Variants in PRKN observed in about 807,000 individuals in gnomAD.
PRKN encodes the protein parkin RBR E3 ubiquitin protein ligase, also known as E3 ubiquitin-protein ligase parkin.
In PRKN, 56 loss-of-function variants were observed where a neutral mutation model predicts 59.5. The observed-to-expected ratio is 0.94, with a 90% CI of 0.76 to 1.18. The LOEUF (loss-of-function observed/expected upper bound fraction) is 1.18. Among genes scored for constraint, PRKN ranks in the 50% most tolerant of loss-of-function variants. The probability of loss-of-function intolerance (pLI) is 0.00; values close to 1 mark genes in which losing one functional copy is unlikely to be tolerated. For missense variants in PRKN, 657 were observed against 596.4 expected, an observed-to-expected ratio of 1.10 and a Z score of -1.06; for synonymous variants, 250 against 222.1, an observed-to-expected ratio of 1.13 and a Z score of -1.12.
chr6:161,544,423 A>G lies in PRKN; in HGVS notation c.1083+4431T>C, dbSNP rs1373765113. ...GTAAGCAGTTCTAATACTGGGATAAATGATGATTAATATTGGAAAATAAAA... is the reference window on the plus strand; with the variant it reads ...GTAAGCAGTTCTAATACTGGGATAAGTGATGATTAATATTGGAAAATAAAA... On this transcript the variant is annotated intron_variant, in intron 9 of 11. Transcript: ENST00000366898. This position sits in a 1 kb window ranked among gnomAD's most constrained non-coding sequence, Gnocchi z 5.5. Among the ~76,000 whole-genome samples, 1 of 152,212 alleles carries G rather than the reference A, an allele frequency of 6.6e-6. No individual in the cohort carries two copies. The highest frequency in any genetic ancestry group is 1.5e-5 in the Non-Finnish European group (1 of 68,040).
intron 1 of PRKN, among the ~76,000 whole-genome samples, chr6:162,687,962 G>C (rs911790030): frequency 6.6e-6 from 1 of 152,184 alleles, no homozygotes; most frequent in Non-Finnish European, 1.5e-5. Flanking sequence ...GGATCCTGTT[G>C]CTGGATGTGG....
chr6:162,458,048 G>A (rs1188265327), intron 1 of PRKN, among the ~76,000 whole-genome samples: 1 of 151,682 alleles, frequency 6.6e-6, no homozygotes, highest in African/African-American at 2.4e-5. Context: ...GAGGTCAGGA[G>A]TTTGAGACCA....
chr6:162,638,074 AAAAG>A (rs1777802704), intron 1 of PRKN, among the ~76,000 whole-genome samples: 1 of 151,688 alleles, frequency 6.6e-6, no homozygotes, highest in Admixed American at 6.5e-5. Flanking sequence ...TTAAAAAAAT[AAAAG>A]AAATGCTGAA....
intron 2 of PRKN, among the ~76,000 whole-genome samples, chr6:162,273,071 A>G (rs1023211615): frequency 1.3e-5 from 2 of 151,950 alleles, no homozygotes; most frequent in African/African-American, 4.8e-5. Flanking sequence ...GAAGACAAGT[A>G]CAATCTGTGA....
At position 161,357,730 on chromosome 6, in the gene PRKN, CAT is replaced by C. The variant is rs1177031043; in HGVS notation, c.1285+2356_1285+2357del. ...ACACACACATTTGTTTCAAAACAGACATATGTGCCACTTGCTTTGAAATTCTG... is the reference window on the plus strand; with the variant it reads ...ACACACACATTTGTTTCAAAACAGACATGTGCCACTTGCTTTGAAATTCTG... On this transcript the variant is annotated intron_variant, in intron 11 of 11. Transcript: ENST00000366898. The surrounding 1 kb of genome is among the most constrained non-coding windows in gnomAD (Gnocchi z 5.5). Among the ~76,000 whole-genome samples, 5 of 152,206 alleles carry C rather than the reference CAT, an allele frequency of 3.3e-5. No individual in the cohort carries two copies. The highest frequency in any genetic ancestry group is 1.2e-4 in the African/African-American group (5 of 41,452).
At chr6:161,964,424 T>C (rs1303299631) in intron 6 of PRKN, among the ~76,000 whole-genome samples, 1 of 151,966 alleles carries the variant, frequency 6.6e-6, no homozygotes, top group East Asian at 1.9e-4. Flanking sequence ...TGAGGGTGTG[T>C]CACACTTTTC....
At chr6:162,396,317 T>A (rs987731502) in intron 2 of PRKN, among the ~76,000 whole-genome samples, 1 of 152,134 alleles carries the variant, frequency 6.6e-6, no homozygotes, top group Non-Finnish European at 1.5e-5. Flanking sequence ...TGAACAGGAG[T>A]GCAGTCAGCA....
chr6:162,700,900 A>C (rs1778129355), intron 1 of PRKN, among the ~76,000 whole-genome samples: 1 of 152,066 alleles, frequency 6.6e-6, no homozygotes, highest in Non-Finnish European at 1.5e-5. Context: ...CAATCATTTC[A>C]ATCTGCATTA....
chr6:161,570,250 AT>A (rs971693457), intron 7 of PRKN, among the ~76,000 whole-genome samples: 21 of 145,402 alleles, frequency 1.4e-4, no homozygotes, highest in Admixed American at 3.5e-4. Flanking sequence ...AGTTATATAT[AT>A]TTTTATATAA....
chr6:161,526,424 G>A lies in PRKN; in HGVS notation c.1083+22430C>T, dbSNP rs146152424. Among the ~76,000 whole-genome samples, 450 of 152,238 alleles carry A rather than the reference G, an allele frequency of 3.0e-3. 10 individuals carry two copies. The highest frequency in any genetic ancestry group is 0.026 in the East Asian group (137 of 5,186). Reference sequence around the variant, plus strand: ...TACAACAATGGGCAAAAAGTTTCTCGAATGCACACAAACTAAAATATTAAG... The same window carrying A: ...TACAACAATGGGCAAAAAGTTTCTCAAATGCACACAAACTAAAATATTAAG... On this transcript the variant is annotated intron_variant, in intron 9 of 11. Transcript: ENST00000366898. The surrounding 1 kb of genome is among the most constrained non-coding windows in gnomAD (Gnocchi z 4.1).
chr6:162,196,718 C>T (rs1784509675), intron 4 of PRKN, among the ~76,000 whole-genome samples: 1 of 152,156 alleles, frequency 6.6e-6, no homozygotes, highest in Non-Finnish European at 1.5e-5. Context: ...CCATGCCTAA[C>T]ATCAGGACAA....
chr6:161,834,607 G>C (rs1035527280), intron 6 of PRKN, among the ~76,000 whole-genome samples: 4 of 152,232 alleles, frequency 2.6e-5, no homozygotes, highest in Admixed American at 2.6e-4. Context: ...AAGCCGGCTG[G>C]AAGCTTCAGA....
chr6:161,994,512 G>C lies in PRKN; in HGVS notation c.619-21095C>G, dbSNP rs75781422. Among the ~76,000 whole-genome samples, 27 of 151,984 alleles carry C rather than the reference G, an allele frequency of 1.8e-4. No homozygotes were observed. The East Asian group carries it at 5.2e-3, about 30-fold the overall frequency. ...CAAGAAAGAAAAGTCATCCAAACTG[G>C]AAAAAAGAAAGTCAAGTTGTCCCTC... On this transcript the variant is annotated intron_variant, in intron 5 of 11. Coordinates refer to ENST00000366898, the MANE Select transcript of PRKN (RefSeq NM_004562.3).
intron 7 of PRKN, among the ~76,000 whole-genome samples, chr6:161,756,335 G>C (rs1788916773): frequency 6.8e-6 from 1 of 146,948 alleles, no homozygotes; most frequent in African/African-American, 2.5e-5. Flanking sequence ...CCAGCTATTT[G>C]GAAGGCTGAG....
chr6:162,157,683 G>C (rs1782572748), intron 4 of PRKN, among the ~76,000 whole-genome samples: 1 of 151,900 alleles, frequency 6.6e-6, no homozygotes, highest in Admixed American at 6.6e-5. Context: ...AAATGCAGAT[G>C]GCGGACTATA....
chr6:161,515,915 T>C (rs1396643911), intron 9 of PRKN, among the ~76,000 whole-genome samples: 1 of 152,202 alleles, frequency 6.6e-6, no homozygotes, highest in African/African-American at 2.4e-5. Context: ...ATTAATAACC[T>C]GATAATTTCT....
intron 1 of PRKN, among the ~76,000 whole-genome samples, chr6:162,464,974 G>A (rs949881290): frequency 1.3e-5 from 2 of 152,060 alleles, no homozygotes; most frequent in East Asian, 1.9e-4. Flanking sequence ...CAGCCATGGC[G>A]ATCTCATGGC....
rs573406051 is a variant in PRKN at position 162,384,702 on chromosome 6, A to C, written c.171+58608T>G. Among the ~76,000 whole-genome samples the C allele has an allele frequency of 1.0e-3, 158 of 152,028 alleles. 1 individual carries two copies. The highest frequency in any genetic ancestry group is 2.4e-3 in the Admixed American group (36 of 15,266). On this transcript the variant is annotated intron_variant, in intron 2 of 11. Transcript: ENST00000366898. ...ACTCATTATCTGCAAAGCATGCTAA[A>C]GGGAAGCATGGTAAAATGAGCTGTG...
Position 162,297,737 on chromosome 6 carries a change from G to T in PRKN, c.172-34972C>A, listed in dbSNP as rs575389347. ...ACCACATAGGACAAGGAGAGACAAA[G>T]AATAAATTTCCTTGAATCATCTAAA... is the stretch of plus-strand genomic sequence containing the variant. On this transcript the variant is annotated intron_variant, in intron 2 of 11. Transcript: ENST00000366898. 2.0e-5 allele frequency among the ~76,000 whole-genome samples: 3 copies of T among 152,110 alleles called. No individual in the cohort carries two copies. The South Asian group carries it at 6.2e-4, about 32-fold the overall frequency.
Sources: allele counts gnomAD v4.1 joint callset (sites outside exome capture counted in the v4.1 genomes callset), GRCh38; gene constraint gnomAD v4.1.1; non-coding constraint Gnocchi (gnomAD v3.1); transcripts MANE v1.5; gene names NCBI Gene and HGNC (gene_info 2026-07-23, HGNC 2026-07-21).